NFILZ: variants seen among roughly 807,000 people sequenced by gnomAD.
NFILZ encodes NFIL3 like protein.
intron 3 of NFILZ, among the ~76,000 whole-genome samples, chr19:8,644,086 T>C (rs1392690863): frequency 5.3e-5 from 8 of 152,078 alleles, no homozygotes; most frequent in African/African-American, 1.4e-4. Flanking sequence ...AATTTGGAGA[T>C]AGGGCATTGA....
intron 3 of NFILZ, among the ~76,000 whole-genome samples, chr19:8,668,246 C>T (rs977908300): frequency 1.4e-5 from 2 of 145,378 alleles, no homozygotes; most frequent in East Asian, 2.2e-4. Flanking sequence ...CGACTGTGCC[C>T]GGCATATACA....
intron 3 of NFILZ, among the ~76,000 whole-genome samples, chr19:8,661,080 C>T (rs1363604229): frequency 2.5e-5 from 2 of 78,990 alleles, no homozygotes; most frequent in Non-Finnish European, 5.3e-5. Flanking sequence ...TCCCTCCCTT[C>T]CTTCCCCCTC....
At chr19:8,631,668 A>G (rs549188482) in intron 1 of NFILZ, among the ~76,000 whole-genome samples, 7 of 152,178 alleles carry the variant, frequency 4.6e-5, no homozygotes, top group African/African-American at 1.4e-4. Flanking sequence ...CTTCCCCTAC[A>G]TCCAGCCGCC....
At chr19:8,671,070 A>G (rs1407992283) in intron 3 of NFILZ, among the ~76,000 whole-genome samples, 1 of 152,004 alleles carries the variant, frequency 6.6e-6, no homozygotes, top group Non-Finnish European at 1.5e-5. Context: ...GTGGCAGAAC[A>G]TTCTCTCTAG....
intron 3 of NFILZ, among the ~76,000 whole-genome samples, chr19:8,661,674 T>C (rs1555749137): frequency 6.6e-6 from 1 of 152,080 alleles, no homozygotes; most frequent in East Asian, 1.9e-4. Flanking sequence ...GGTGGATCAT[T>C]TGAGGTCAGG....
rs181796783 is a variant in NFILZ at position 8,643,059 on chromosome 19, C to A, written c.-164+7313C>A. Among the ~76,000 whole-genome samples the A allele has an allele frequency of 1.1e-4, 16 of 152,006 alleles. No individual in the cohort carries two copies. In the East Asian group the frequency reaches 3.1e-3, roughly 29 times the overall value. ...CAACCTCCTAGGCTCAAGCTCTCCC[C>A]CCACCTCAGCCTCTTGAGTAGTTGG... On this transcript the variant is annotated intron_variant, in intron 3 of 5. Coordinates refer to ENST00000691075, the MANE Select transcript of NFILZ (RefSeq NM_001378600.1).
At chr19:8,632,278 G>GTGTGTGTGTC (rs537843301) in intron 1 of NFILZ, among the ~76,000 whole-genome samples, 198 bp from the exon 2 acceptor site, 5 of 148,576 alleles carry the variant, frequency 3.4e-5, no homozygotes, top group African/African-American at 1.2e-4. Flanking sequence ...GTGTGTGTCA[G>GTGTGTGTGTC]GGGGTTATTT....
chr19:8,659,332 C>T (rs1269490116), intron 3 of NFILZ, among the ~76,000 whole-genome samples: 8 of 151,926 alleles, frequency 5.3e-5, no homozygotes, highest in African/African-American at 1.9e-4. Flanking sequence ...CAATACTAAA[C>T]GCTGAGAAGC....
chr19:8,664,161 G>C (rs782050654), intron 3 of NFILZ, among the ~76,000 whole-genome samples: 35 of 152,280 alleles, frequency 2.3e-4, no homozygotes, highest in Non-Finnish European at 2.2e-4. Flanking sequence ...TTGGAGCTCG[G>C]GTGTCCAAGA....
In NFILZ at chr19:8,678,259, A is replaced by G. The variant is rs1555751049; in HGVS notation, c.*624A>G. 4.2e-5 allele frequency among the ~76,000 whole-genome samples: 6 copies of G among 142,696 alleles called. No individual in the cohort carries two copies. Among genetic ancestry groups the G allele is most frequent in the Non-Finnish European group, 3.1e-5 (2 of 65,422 alleles). 93.6% of individuals were successfully genotyped at this position (142,696 alleles called of 152,430 possible). On this transcript the variant is annotated 3_prime_UTR_variant, in exon 6 of 6. Transcript: ENST00000691075. ...CAGCCATCCATCTGTCCATTTATCCATCCTCCATTTATCCATGCATCTATT... is the reference window on the plus strand; with the variant it reads ...CAGCCATCCATCTGTCCATTTATCCGTCCTCCATTTATCCATGCATCTATT...
chr19:8,674,251 G>A (rs531797170), intron 3 of NFILZ, among the ~76,000 whole-genome samples: 2 of 152,290 alleles, frequency 1.3e-5, no homozygotes, highest in South Asian at 2.1e-4. Flanking sequence ...ACAGATTTGA[G>A]TTCAAATCTT....
At chr19:8,639,431 A>G (rs1401817047) in intron 3 of NFILZ, among the ~76,000 whole-genome samples, 1 of 151,972 alleles carries the variant, frequency 6.6e-6, no homozygotes, top group African/African-American at 2.4e-5. Context: ...AAAACAAAAC[A>G]AAACAAAACG....
At chr19:8,664,323 G>C (rs2043051566) in intron 3 of NFILZ, among the ~76,000 whole-genome samples, 2 of 152,204 alleles carry the variant, frequency 1.3e-5, no homozygotes, top group African/African-American at 2.4e-5. Context: ...AGCAGGGACT[G>C]GGTCCTTGGC....
intron 3 of NFILZ, among the ~76,000 whole-genome samples, chr19:8,657,360 C>G (rs2043009605): frequency 6.6e-6 from 1 of 151,938 alleles, no homozygotes; most frequent in Non-Finnish European, 1.5e-5. Context: ...TCTCGGCCTC[C>G]CAAAGTGCTG....
intron 3 of NFILZ, among the ~76,000 whole-genome samples, chr19:8,661,265 C>A (rs1349627361): frequency 6.6e-6 from 1 of 150,974 alleles, no homozygotes; most frequent in Non-Finnish European, 1.5e-5. Context: ...TGGGTTCAAG[C>A]AATCCTCCCA....
intron 3 of NFILZ, among the ~76,000 whole-genome samples, chr19:8,647,665 A>G (rs1189947136): frequency 1.3e-5 from 2 of 150,656 alleles, no homozygotes; most frequent in Non-Finnish European, 3.0e-5. Context: ...AACCTAAACC[A>G]GGAACAGAAA....
At position 8,678,082 on chromosome 19, in the gene NFILZ, A is replaced by C. The variant is rs1165486375; in HGVS notation, c.*447A>C. Among the ~76,000 whole-genome samples the C allele has an allele frequency of 2.2e-4, 1 of 4,492 alleles. No individual in the cohort carries two copies. The highest frequency in any genetic ancestry group is 4.8e-4 in the Non-Finnish European group (1 of 2,086). 2.9% of individuals were successfully genotyped at this position (4,492 alleles called of 152,430 possible). On this transcript the variant is annotated 3_prime_UTR_variant, in exon 6 of 6. Transcript: ENST00000691075. ...CATCTATTCATCCATCCATCAATCCATCCATCCATTCCATCCATCCATCCA... is the reference window on the plus strand; with the variant it reads ...CATCTATTCATCCATCCATCAATCCCTCCATCCATTCCATCCATCCATCCA...
At chr19:8,642,953 C>CCTT (rs1166916269) in intron 3 of NFILZ, among the ~76,000 whole-genome samples, 2 of 139,358 alleles carry the variant, frequency 1.4e-5, no homozygotes, top group African/African-American at 2.7e-5. Context: ...GATTTTGACT[C>CCTT]TTTTTTTTTT....
chr19:8,651,030 A>C (rs781911769), intron 3 of NFILZ, among the ~76,000 whole-genome samples: 1 of 152,240 alleles, frequency 6.6e-6, no homozygotes, highest in Non-Finnish European at 1.5e-5. Flanking sequence ...TTTATGGAGT[A>C]TATGTGATAT....
Sources: allele counts gnomAD v4.1 joint callset (sites outside exome capture counted in the v4.1 genomes callset), GRCh38; gene constraint gnomAD v4.1.1; transcripts MANE v1.5; gene names NCBI Gene and HGNC (gene_info 2026-07-23, HGNC 2026-07-21).